The following RNF213 variants were observed in gnomAD, a reference collection of about 807,000 sequenced individuals.
RNF213 encodes ring finger protein 213.
A neutral mutation model predicts 514.4 loss-of-function variants in RNF213; 341 were observed. That is an observed-to-expected ratio of 0.66 (90% CI 0.61 to 0.73). The LOEUF (loss-of-function observed/expected upper bound fraction) is 0.73. RNF213 is among the 30% of genes least tolerant of loss of function. The probability of loss-of-function intolerance (pLI) is 0.00; values close to 1 mark genes in which losing one functional copy is unlikely to be tolerated. For missense variants in RNF213, 5,767 were observed against 6,615.6 expected (o/e 0.87, Z 4.45); for synonymous variants, 2,655 against 2,658.2 (o/e 1.00, Z 0.04).
intron 67 of RNF213, among the ~76,000 whole-genome samples, chr17:80,391,492 G>A (rs1244601179): frequency 2.0e-5 from 3 of 152,074 alleles, no homozygotes; most frequent in Non-Finnish European, 4.4e-5. Context: ...GGCTGGTCTC[G>A]AGCTCCTGAC....
At position 80,260,901 on chromosome 17, in the gene RNF213, A is replaced by AG. The variant is rs2043389643; in HGVS notation, c.-109+1dup. On this transcript the variant is annotated splice_region_variant and 5_prime_UTR_variant, in exon 1 of 68. Transcript: ENST00000582970. ...GGCAGGCGGCGAGCTCGGGGGCCGC[A>AG]GGTGCGAGCGGGCCTGGAGAGTCTC... is the stretch of plus-strand genomic sequence containing the variant. 6.7e-6 allele frequency: 1 copy of AG among 150,128 alleles called. No homozygotes were observed. Among genetic ancestry groups the AG allele is most frequent in the Non-Finnish European group, 1.5e-5 (1 of 67,382 alleles). 9.3% of individuals were successfully genotyped at this position (150,128 alleles called of 1,614,324 possible). A position where few individuals can be genotyped will look rare whatever the true frequency, so the allele number is the denominator to read the frequency against.
At position 80,288,763 on chromosome 17, in the gene RNF213, TC is replaced by T; in HGVS notation, c.933+10del. ...TTCAAAACACACTGCCAGGTGCGTC[TC>T]CTTCCTGCCTGCCGGCTCCAGGAGG... On this transcript the variant is annotated intron_variant, in intron 5 of 67. Coordinates refer to ENST00000582970, the MANE Select transcript of RNF213 (RefSeq NM_001256071.3). The surrounding 1 kb of genome is among the most constrained non-coding windows in gnomAD (Gnocchi z 4.9). 6.2e-7 allele frequency: 1 copy of T among 1,614,044 alleles called. No homozygotes were observed. The highest frequency in any genetic ancestry group is 8.5e-7 in the Non-Finnish European group (1 of 1,180,030).
chr17:80,381,087 G>C, intron 56 of RNF213, 100 bp downstream of exon 56: 1 of 1,195,786 alleles, frequency 8.4e-7, no homozygotes, highest in South Asian at 1.2e-5. Context: ...CCATCTATGC[G>C]TTTTGGAGAT....
chr17:80,362,665 C>T (rs985333079), intron 39 of RNF213, among the ~76,000 whole-genome samples: 2 of 152,364 alleles, frequency 1.3e-5, no homozygotes, highest in South Asian at 2.1e-4. Context: ...GCACCTTATC[C>T]GATCTGAACT....
At chr17:80,277,245 C>G (rs1188211850) in intron 3 of RNF213, among the ~76,000 whole-genome samples, 1 of 151,830 alleles carries the variant, frequency 6.6e-6, no homozygotes, top group Non-Finnish European at 1.5e-5. Context: ...TAGTGGTTGG[C>G]TGGGAGGAGT....
chr17:80,283,715 G>A (rs1013713456), intron 3 of RNF213, among the ~76,000 whole-genome samples: 6 of 152,198 alleles, frequency 3.9e-5, no homozygotes, highest in African/African-American at 1.4e-4. Context: ...CCATGCTGGT[G>A]GGAGGTGGGG....
chr17:80,375,675 C>T (rs949486713), intron 50 of RNF213, 85 bp from the exon 51 acceptor site: 7 of 935,626 alleles, frequency 7.5e-6, no homozygotes, highest in Non-Finnish European at 1.2e-5. Context: ...TGCACTCCAG[C>T]CTGGGTGACA....
rs759992177 is a variant in RNF213 at position 80,348,024 on chromosome 17, T to C, written c.9689T>C (p.Val3230Ala). 1 of 1,614,224 alleles carries C rather than the reference T, an allele frequency of 6.2e-7. No homozygotes were observed. The highest frequency in any genetic ancestry group is 1.1e-5 in the South Asian group (1 of 91,092). The change falls in exon 29 of 68, where the codon GTG (valine) becomes GCG (alanine). Residue 3230 changes from valine to alanine, a missense_variant. By Grantham distance (64) the Val-to-Ala change is moderately conservative (BLOSUM62 0). Transcript: ENST00000582970. Reference sequence around the variant, plus strand: ...CACTCGGACGCCTGCGCGTCTGTGGTGCTGCAGGTCATAGAGAGGCAGGGT... The same window carrying C: ...CACTCGGACGCCTGCGCGTCTGTGGCGCTGCAGGTCATAGAGAGGCAGGGT... ...GYHSDACASV[V>A]LQVIERQGPR...
intron 38 of RNF213, chr17:80,360,467 G>A (rs1000271833): frequency 2.6e-5 from 13 of 499,160 alleles, no homozygotes; most frequent in South Asian, 8.1e-5. Context: ...TTTTAGTGCC[G>A]TGATGGCCAG....
At chr17:80,342,495 T>C (rs945807490) in intron 26 of RNF213, among the ~76,000 whole-genome samples, 1 of 151,798 alleles carries the variant, frequency 6.6e-6, no homozygotes. Context: ...TGGATCTTTA[T>C]AGATTCTCTT....
rs2144702559 is a variant in RNF213 at position 80,396,656 on chromosome 17, C to T, written c.*3158C>T. The T allele has an allele frequency of 6.7e-6, 1 of 149,796 alleles. No individual in the cohort carries two copies. The highest frequency in any genetic ancestry group is 2.0e-4 in the East Asian group (1 of 5,052). 9.3% of individuals were successfully genotyped at this position (149,796 alleles called of 1,614,324 possible). On this transcript the variant is annotated 3_prime_UTR_variant, in exon 68 of 68. Transcript: ENST00000582970. ...TGCATTATTCTCATCCTATCACGTT[C>T]ATTAAGTTCAACCATTACCATTACG...
rs77019370 is a variant in RNF213 at position 80,367,621 on chromosome 17, C to A, written c.11872-127C>A. ...AGCGTTAAACACAGGATCACAAAGG[C>A]CTCGCACCCCACACCCCACACACAC... On this transcript the variant is annotated intron_variant, in intron 42 of 67. Transcript: ENST00000582970. 7.6e-4 allele frequency: 541 copies of A among 713,234 alleles called. 2 individuals are homozygous for A. The African/African-American group carries it at 8.4e-3, about 11-fold the overall frequency. 44.2% of individuals were successfully genotyped at this position (713,234 alleles called of 1,614,324 possible).
intron 8 of RNF213, among the ~76,000 whole-genome samples, chr17:80,293,598 C>T (rs1281342030): frequency 2.0e-5 from 3 of 151,624 alleles, no homozygotes; most frequent in East Asian, 3.9e-4. Context: ...CCGAGGCGGG[C>T]GGATCACGAG....
intron 11 of RNF213, among the ~76,000 whole-genome samples, chr17:80,305,703 C>T (rs546234821): frequency 4.0e-4 from 60 of 151,892 alleles, no homozygotes; most frequent in Non-Finnish European, 6.3e-4. Context: ...TCTCTGCCGC[C>T]GGGGCTCAAG....
chr17:80,392,595 G>C (rs967512607), intron 67 of RNF213, among the ~76,000 whole-genome samples: 1 of 86,684 alleles, frequency 1.2e-5, no homozygotes, highest in Non-Finnish European at 2.4e-5. Flanking sequence ...CTGCTCCTCA[G>C]GATTTCTGGG....
In RNF213 at chr17:80,298,505, C is replaced by A; in HGVS notation, c.2197C>A (p.Gln733Lys). The A allele has an allele frequency of 6.2e-7, 1 of 1,614,176 alleles. No individual in the cohort carries two copies. The highest frequency in any genetic ancestry group is 8.5e-7 in the Non-Finnish European group (1 of 1,180,032). ...EGLSFSPFRE[Q>K]MLDTSSLLQF... is the part of the protein sequence containing the mutation. ...ACTCTCCTTCTCACCGTTCCGGGAA[C>A]AAATGCTAGATACGTAAGTCGTAGA... The change falls in exon 11 of 68, where the codon CAA becomes AAA. Residue 733 changes from glutamine (Q) to lysine (K), a missense_variant. Physicochemically the swap from Gln to Lys is moderately conservative, Grantham distance 53. Around this residue, in one of 13 missense-constraint regions of RNF213, gnomAD observed 592 missense variants for 673.9 expected, o/e 0.88. Transcript: ENST00000582970.
Position 80,294,725 on chromosome 17 carries a change from C to T in RNF213, c.1477C>T (p.His493Tyr), listed in dbSNP as rs1568025503. ...KSSLLGSGDW[H>Y]QYYDIVYMKP... ...GTTCCTTCTGTCCCTCTTAGACTGG[C>T]ATCAGTACTATGACATAGTTTATAT... Residue 493 changes from histidine (H) to tyrosine (Y), a missense_variant, in exon 9 of 68, where the codon CAT (histidine) becomes TAT (tyrosine). Transcript: ENST00000582970. The T allele has an allele frequency of 6.2e-7, 1 of 1,613,938 alleles. No individual in the cohort carries two copies. Among genetic ancestry groups the T allele is most frequent in the Non-Finnish European group, 8.5e-7 (1 of 1,180,038 alleles).
chr17:80,379,176 G>A (rs1158806407), intron 54 of RNF213, among the ~76,000 whole-genome samples: 1 of 152,240 alleles, frequency 6.6e-6, no homozygotes, highest in Non-Finnish European at 1.5e-5. Flanking sequence ...CTGGAGGACA[G>A]AGCGAGGCTC....
rs1177936265 is a variant in RNF213, at chr17:80,379,680, G to GA, written c.13607dup (p.Asp4536GlufsTer36). 1 of 1,614,222 alleles carries GA rather than the reference G, an allele frequency of 6.2e-7. No homozygotes were observed. Among genetic ancestry groups the GA allele is most frequent in the East Asian group, 2.2e-5 (1 of 44,888 alleles). On this transcript the variant is annotated frameshift_variant, in exon 55 of 68. Transcript: ENST00000582970. LOFTEE classifies it high-confidence loss of function. Reference sequence around the variant, plus strand: ...CTGCCATGCGCCGATTGGAGGCATTGACCACAAACCTCGGGACGGCTTTCA... The same window carrying GA: ...CTGCCATGCGCCGATTGGAGGCATTGAACCACAAACCTCGGGACGGCTTTCA...
Sources: gnomAD v4.1 joint callset for allele counts (sites outside exome capture counted in the v4.1 genomes callset) on GRCh38, gnomAD v4.1.1 for gene constraint, gnomAD v4.1.1 regional missense constraint, Gnocchi (gnomAD v3.1) non-coding constraint, MANE v1.5 for transcripts, NCBI Gene and HGNC (gene_info 2026-07-23, HGNC 2026-07-21) for gene names.